RSPO2: variants seen among roughly 807,000 people sequenced by gnomAD.
RSPO2 encodes the protein R-spondin 2.
In RSPO2, 14 loss-of-function variants were observed where a neutral mutation model predicts 30.9. The ratio of observed to expected loss-of-function variants is 0.45; its 90% CI spans 0.30 to 0.71. The LOEUF (loss-of-function observed/expected upper bound fraction) is 0.71. Ranked by LOEUF, RSPO2 falls within the 30% of genes least tolerant of loss-of-function variation. RSPO2 has a pLI of 0.08. For missense variants in RSPO2, 264 were observed against 301.9 expected (o/e 0.87, Z 0.93); for synonymous variants, 107 against 96.4 (o/e 1.11, Z -0.64).
At chr8:108,046,603 C>T (rs538579005) in intron 2 of RSPO2, among the ~76,000 whole-genome samples, 5 of 152,068 alleles carry the variant, frequency 3.3e-5, no homozygotes, top group Admixed American at 2.0e-4. Flanking sequence ...TGAAATTGGG[C>T]ACCTTGAAAC....
At chr8:108,048,546 A>G (rs1420461274) in intron 2 of RSPO2, among the ~76,000 whole-genome samples, 1 of 151,742 alleles carries the variant, frequency 6.6e-6, no homozygotes, top group Admixed American at 6.6e-5. Flanking sequence ...TATTGTGTCT[A>G]TTTGATTCTT....
At chr8:108,000,175 T>C (rs1815191776) in intron 2 of RSPO2, among the ~76,000 whole-genome samples, 1 of 152,186 alleles carries the variant, frequency 6.6e-6, no homozygotes, top group Non-Finnish European at 1.5e-5. Flanking sequence ...ACAATGGACC[T>C]GCACAGAACA....
intron 3 of RSPO2, among the ~76,000 whole-genome samples, chr8:107,982,288 C>T (rs1015395933): frequency 6.6e-6 from 1 of 152,096 alleles, no homozygotes; most frequent in Non-Finnish European, 1.5e-5. Flanking sequence ...AAAGTTTACT[C>T]CTCCTTTTTC....
At chr8:107,973,343 CG>C (rs1814073654) in intron 3 of RSPO2, among the ~76,000 whole-genome samples, 1 of 151,936 alleles carries the variant, frequency 6.6e-6, no homozygotes, top group Admixed American at 6.6e-5. Flanking sequence ...AACTGCATAA[CG>C]GTTTTGTCAG....
chr8:108,050,772 G>A (rs1405820420), intron 2 of RSPO2, among the ~76,000 whole-genome samples: 1 of 152,170 alleles, frequency 6.6e-6, no homozygotes, highest in Admixed American at 6.5e-5. Context: ...CGTTGGTAGT[G>A]GGGAGGGTGA....
intron 3 of RSPO2, among the ~76,000 whole-genome samples, chr8:107,982,804 CT>C (rs1372769752): frequency 3.9e-5 from 6 of 152,296 alleles, no homozygotes; most frequent in African/African-American, 1.4e-4. Context: ...TCCCATTCTG[CT>C]TCTGGGACAT....
intron 5 of RSPO2, among the ~76,000 whole-genome samples, chr8:107,935,304 T>C (rs1378043532): frequency 6.6e-6 from 1 of 152,134 alleles, no homozygotes; most frequent in African/African-American, 2.4e-5. Flanking sequence ...TCAGAAGATA[T>C]ATATTAATAA....
At chr8:107,954,564 T>C (rs1346341193) in intron 5 of RSPO2, among the ~76,000 whole-genome samples, 3 of 152,236 alleles carry the variant, frequency 2.0e-5, no homozygotes, top group South Asian at 4.1e-4. Flanking sequence ...CAGTGTTCAA[T>C]ATTTTTTCCT....
chr8:108,026,098 A>G (rs1811207101), intron 2 of RSPO2, among the ~76,000 whole-genome samples: 1 of 152,222 alleles, frequency 6.6e-6, no homozygotes, highest in Non-Finnish European at 1.5e-5. Context: ...TGAGGCACTG[A>G]AAAGAACACA....
chr8:108,062,140 G>A (rs78533355), intron 2 of RSPO2, among the ~76,000 whole-genome samples: 9,931 of 151,774 alleles, frequency 0.065, 426 homozygotes, highest in East Asian at 0.089. Flanking sequence ...AGAAGCAGAA[G>A]CAAACACATT....
chr8:107,903,614 G>T (rs945322228), intron 5 of RSPO2, among the ~76,000 whole-genome samples: 31 of 152,090 alleles, frequency 2.0e-4, no homozygotes, highest in Non-Finnish European at 4.3e-4. Flanking sequence ...GCTTCTGAAA[G>T]CTTATTTATG....
At chr8:107,996,424 G>A (rs1586612059) in intron 2 of RSPO2, among the ~76,000 whole-genome samples, 1 of 152,130 alleles carries the variant, frequency 6.6e-6, no homozygotes, top group South Asian at 2.1e-4. Flanking sequence ...AAAGCCCTCT[G>A]AAACATACTG....
chr8:108,035,432 TTTTTTTTGTTTTG>T (rs1210698095), intron 2 of RSPO2, among the ~76,000 whole-genome samples: 9 of 151,918 alleles, frequency 5.9e-5, no homozygotes, highest in Non-Finnish European at 1.0e-4. Context: ...TCACCAGTTC[TTTTTTTTGTTTTG>T]TTTTTTTGTT....
intron 2 of RSPO2, 95 bp downstream of exon 2, chr8:108,082,450 C>T: frequency 1.1e-6 from 1 of 922,720 alleles, no homozygotes; most frequent in Non-Finnish European, 1.7e-6. Context: ...GAGCACAGCC[C>T]TGACCATCTG....
chr8:107,939,497 T>C lies in RSPO2; in HGVS notation c.616+18583A>G, dbSNP rs952156368. ...AATTATCTTTTTTTTTTTTTTTTTTTTTAACATTAAGGCTGTCTCTACTGT... is the reference window on the plus strand; with the variant it reads ...AATTATCTTTTTTTTTTTTTTTTTTCTTAACATTAAGGCTGTCTCTACTGT... On this transcript the variant is annotated intron_variant, in intron 5 of 5. Transcript: ENST00000276659. Among the ~76,000 whole-genome samples, 640 of 142,062 alleles carry C rather than the reference T, an allele frequency of 4.5e-3. 6 individuals are homozygous for C. Among genetic ancestry groups the C allele is most frequent in the African/African-American group, 0.012 (473 of 39,364 alleles). 93.2% of individuals were successfully genotyped at this position (142,062 alleles called of 152,430 possible). A position where few individuals can be genotyped will look rare whatever the true frequency, so the allele number is the denominator to read the frequency against.
At chr8:107,971,871 GT>G (rs1283670701) in intron 3 of RSPO2, among the ~76,000 whole-genome samples, 1 of 152,112 alleles carries the variant, frequency 6.6e-6, no homozygotes, top group Admixed American at 6.5e-5. Flanking sequence ...AACTCCACAT[GT>G]ACCTTTCACC....
At chr8:107,972,886 T>C (rs551299250) in intron 3 of RSPO2, among the ~76,000 whole-genome samples, 2 of 152,334 alleles carry the variant, frequency 1.3e-5, no homozygotes, top group Non-Finnish European at 1.5e-5. Context: ...CTTTTAGAGA[T>C]AGGATTTACC....
chr8:108,070,193 A>T (rs1476888520), intron 2 of RSPO2, among the ~76,000 whole-genome samples: 2 of 151,954 alleles, frequency 1.3e-5, no homozygotes, highest in Admixed American at 6.5e-5. Flanking sequence ...GAGTCGTGGC[A>T]CATGCCTGTC....
At chr8:107,912,385 T>C (rs1203725094) in intron 5 of RSPO2, among the ~76,000 whole-genome samples, 1 of 152,140 alleles carries the variant, frequency 6.6e-6, no homozygotes, top group Non-Finnish European at 1.5e-5. Flanking sequence ...CTCCCTTCCC[T>C]GGGATCTATT....
Sources: allele counts gnomAD v4.1 joint callset (sites outside exome capture counted in the v4.1 genomes callset), GRCh38; gene constraint gnomAD v4.1.1; transcripts MANE v1.5; gene names NCBI Gene and HGNC (gene_info 2026-07-23, HGNC 2026-07-21).